The following LDLRAD4 variants were observed in gnomAD, a reference collection of about 807,000 sequenced individuals.
LDLRAD4 encodes the protein low density lipoprotein receptor class A domain containing 4.
Under a neutral mutation model 17.0 loss-of-function variants are expected in LDLRAD4, and 5 were observed. The ratio of observed to expected loss-of-function variants is 0.29; its 90% CI spans 0.15 to 0.62. The LOEUF (loss-of-function observed/expected upper bound fraction) is 0.62, where lower values mean the gene tolerates loss of function less well. Ranked by LOEUF, LDLRAD4 falls within the 20% of genes least tolerant of loss-of-function variation. The pLI, the probability that LDLRAD4 is intolerant of heterozygous loss-of-function variation, is 0.84. For synonymous variants in LDLRAD4, 168 were observed against 171.8 expected (o/e 0.98, Z 0.17); for missense variants, 340 against 424.7 (o/e 0.80, Z 1.75).
intron 1 of LDLRAD4, among the ~76,000 whole-genome samples, chr18:13,374,336 C>T (rs1161686811): frequency 6.6e-6 from 1 of 152,220 alleles, no homozygotes; most frequent in African/African-American, 2.4e-5. Context: ...CCGATGGGAG[C>T]AAGCTCTCAT....
chr18:13,305,098 T>C (rs1346419138), intron 1 of LDLRAD4, among the ~76,000 whole-genome samples: 1 of 152,094 alleles, frequency 6.6e-6, no homozygotes, highest in African/African-American at 2.4e-5. Flanking sequence ...CCTAGAAATA[T>C]TGAAAAAAAT....
exon 6 of LDLRAD4, chr18:13,651,048 T>G (rs185215807): frequency 1.3e-5 from 2 of 152,406 alleles, no homozygotes; most frequent in Admixed American, 1.3e-4. Context: ...AATGCTCAGC[T>G]GGACCAGTGT....
In LDLRAD4 at chr18:13,310,384, G is replaced by A. The variant is rs140167907; in HGVS notation, c.-383+32196G>A. 8.1e-3 allele frequency among the ~76,000 whole-genome samples: 1,236 copies of A among 152,070 alleles called. 12 individuals are homozygous for A. Among genetic ancestry groups the A allele is most frequent in the Middle Eastern group, 0.041 (12 of 294 alleles). On this transcript the variant is annotated intron_variant, in intron 1 of 5. Transcript: ENST00000359446. ...AAAAAAAAAAGGGAGATATTGGTGG[G>A]CCTGCAAGGACATGCAGTTGGATAG...
chr18:13,614,893 G>A (rs2039931090), intron 3 of LDLRAD4: 1 of 152,206 alleles, frequency 6.6e-6, no homozygotes, highest in South Asian at 2.1e-4. Flanking sequence ...TCTCTGCTGA[G>A]GAGGACAGAG....
At chr18:13,264,416 A>T (rs2044098079) in intron 1 of LDLRAD4, among the ~76,000 whole-genome samples, 1 of 152,262 alleles carries the variant, frequency 6.6e-6, no homozygotes, top group African/African-American at 2.4e-5. Flanking sequence ...GTGTGCAGGA[A>T]AATGCTTAGA....
chr18:13,477,885 C>G (rs546781133), intron 3 of LDLRAD4, among the ~76,000 whole-genome samples: 22 of 152,322 alleles, frequency 1.4e-4, no homozygotes, highest in African/African-American at 5.1e-4. Context: ...GCAGGCACAT[C>G]TCACTGGTTA....
chr18:13,524,715 G>C (rs939539839), intron 3 of LDLRAD4, among the ~76,000 whole-genome samples: 1 of 152,176 alleles, frequency 6.6e-6, no homozygotes, highest in Non-Finnish European at 1.5e-5. Flanking sequence ...AGATCATATG[G>C]AATGAACTGT....
At chr18:13,481,414 G>A (rs900830450) in intron 3 of LDLRAD4, among the ~76,000 whole-genome samples, 1 of 152,208 alleles carries the variant, frequency 6.6e-6, no homozygotes, top group Non-Finnish European at 1.5e-5. Flanking sequence ...GCGGGGGCAC[G>A]TGTAGACGCT....
At chr18:13,431,616 G>C (rs1191904383) in intron 2 of LDLRAD4, among the ~76,000 whole-genome samples, 1 of 152,192 alleles carries the variant, frequency 6.6e-6, no homozygotes, top group African/African-American at 2.4e-5. Context: ...CATAGAATTT[G>C]AGACCCATTA....
chr18:13,486,849 G>C (rs1020002694), intron 3 of LDLRAD4: 12 of 152,218 alleles, frequency 7.9e-5, no homozygotes, highest in African/African-American at 2.9e-4. Flanking sequence ...GAGCCCCCTT[G>C]AGCTGCATTT....
At chr18:13,283,455 A>C (rs144218252) in intron 1 of LDLRAD4, among the ~76,000 whole-genome samples, 1 of 152,204 alleles carries the variant, frequency 6.6e-6, no homozygotes, top group African/African-American at 2.4e-5. Flanking sequence ...AAGTTCCACA[A>C]ATCTTTAGGG....
At chr18:13,497,879 C>T (rs1347977353) in intron 3 of LDLRAD4, among the ~76,000 whole-genome samples, 1 of 151,858 alleles carries the variant, frequency 6.6e-6, no homozygotes, top group East Asian at 1.9e-4. Flanking sequence ...TCTTGCCACA[C>T]GTGTCCCACT....
intron 3 of LDLRAD4, among the ~76,000 whole-genome samples, chr18:13,492,734 G>T (rs151161804): frequency 1.3e-5 from 2 of 152,284 alleles, no homozygotes; most frequent in East Asian, 3.9e-4. Context: ...GGGCAGTGGG[G>T]TGCCCTGGGA....
In LDLRAD4 at chr18:13,237,079, C is replaced by T. The variant is rs186126836; in HGVS notation, c.-467+18091C>T. Reference sequence around the variant, plus strand: ...TGATCTTGGGTTATCCCTGGAGGCTCCACTCATAGAACGCTTGCTAGGCAT... The same window carrying T: ...TGATCTTGGGTTATCCCTGGAGGCTTCACTCATAGAACGCTTGCTAGGCAT... On this transcript the variant is annotated intron_variant, in intron 1 of 5. Coordinates refer to the LDLRAD4 transcript ENST00000399848. 1.1e-4 allele frequency among the ~76,000 whole-genome samples: 16 copies of T among 152,350 alleles called. No homozygotes were observed. In the East Asian group the frequency reaches 3.1e-3, roughly 29 times the overall value.
rs535018865 is a variant in LDLRAD4, at chr18:13,332,570, C to T, written c.-383+54382C>T. On this transcript the variant is annotated intron_variant, in intron 1 of 5. Transcript: ENST00000359446. ...GTGCCTCACCTGTTCATCTCTCCCT[C>T]CCCTCAACCTGTGGCAACCACTGAT... is the stretch of plus-strand genomic sequence containing the variant. Among the ~76,000 whole-genome samples the T allele has an allele frequency of 1.6e-3, 240 of 152,310 alleles. 1 individual carries two copies. Among genetic ancestry groups the T allele is most frequent in the Middle Eastern group, 3.4e-3 (1 of 294 alleles).
chr18:13,243,555 A>C (rs888941652), intron 1 of LDLRAD4, among the ~76,000 whole-genome samples: 1 of 148,632 alleles, frequency 6.7e-6, no homozygotes, highest in African/African-American at 2.5e-5. Context: ...TCATCTGTCC[A>C]TCCATCCATG....
chr18:13,328,637 A>G (rs1568013142), intron 1 of LDLRAD4, among the ~76,000 whole-genome samples: 1 of 152,348 alleles, frequency 6.6e-6, no homozygotes, highest in East Asian at 1.9e-4. Flanking sequence ...AACTTTGTAT[A>G]AGGCTCTGGG....
intron 5 of LDLRAD4, 35 bp downstream of exon 6, chr18:13,643,447 CG>C (rs71174176): frequency 3.8e-3 from 615 of 162,168 alleles, no homozygotes; most frequent in Middle Eastern, 0.012. Context: ...CTGCGGGGGG[CG>C]GGGGGGGTGG....
upstream of LDLRAD4, among the ~76,000 whole-genome samples, chr18:13,273,351 A>G (rs375264269): frequency 1.2e-4 from 18 of 152,204 alleles, 1 homozygote; most frequent in African/African-American, 4.3e-4. Context: ...CCCAGGCTGG[A>G]GTGCAGTGGT....
Sources: allele counts gnomAD v4.1 joint callset (sites outside exome capture counted in the v4.1 genomes callset), GRCh38; gene constraint gnomAD v4.1.1; transcripts MANE v1.5; gene names NCBI Gene and HGNC (gene_info 2026-07-23, HGNC 2026-07-21).